Variants in ABCA13 observed in about 807,000 individuals in gnomAD.
The protein encoded by ABCA13 is ATP binding cassette subfamily A member 13.
ABCA13 carries 476 observed loss-of-function variants against 478.7 expected under a neutral mutation model. The observed-to-expected ratio is 0.99, with a 90% CI of 0.92 to 1.07. ABCA13 has a LOEUF of 1.07. Ranked by LOEUF, ABCA13 falls within the 50% of genes least tolerant of loss-of-function variation. ABCA13 has a pLI of 0.00. For synonymous variants in ABCA13, 2,252 were observed against 2,158.9 expected (o/e 1.04, Z -1.20); for missense variants, 6,060 against 5,910.6 (o/e 1.03, Z -0.83).
At chr7:48,321,604 G>A (rs1228716194) in intron 27 of ABCA13, among the ~76,000 whole-genome samples, 1 of 152,222 alleles carries the variant, frequency 6.6e-6, no homozygotes, top group East Asian at 1.9e-4. Context: ...TGGAGTAGAA[G>A]GGAGCCAGAT....
intron 57 of ABCA13, among the ~76,000 whole-genome samples, chr7:48,590,540 T>G (rs1789626506): frequency 6.6e-6 from 1 of 152,192 alleles, no homozygotes; most frequent in African/African-American, 2.4e-5. Flanking sequence ...AGTAGTATTT[T>G]TAATTTGTAG....
intron 35 of ABCA13, among the ~76,000 whole-genome samples, chr7:48,384,000 C>T (rs1007731867): frequency 2.6e-5 from 4 of 152,204 alleles, no homozygotes; most frequent in African/African-American, 4.8e-5. Context: ...AGTAATGCTA[C>T]AGTGAATATA....
intron 23 of ABCA13, among the ~76,000 whole-genome samples, chr7:48,304,628 A>G (rs1049374465): frequency 2.0e-5 from 3 of 152,034 alleles, no homozygotes; most frequent in Non-Finnish European, 2.9e-5. Context: ...GATGGGGAGG[A>G]TGAGAGGGGG....
chr7:48,289,698 T>TAA (rs1454925889), intron 20 of ABCA13, among the ~76,000 whole-genome samples: 2 of 152,128 alleles, frequency 1.3e-5, no homozygotes, highest in African/African-American at 4.8e-5. Context: ...AAGGTTATAA[T>TAA]AATAAAATAG....
chr7:48,321,101 G>A (rs1352323076), intron 27 of ABCA13, among the ~76,000 whole-genome samples: 3 of 152,156 alleles, frequency 2.0e-5, no homozygotes, highest in African/African-American at 7.2e-5. Context: ...TCAAACCGGG[G>A]TGGGGTTGGA....
At chr7:48,458,143 T>C (rs767081046) in intron 43 of ABCA13, among the ~76,000 whole-genome samples, 2 of 152,250 alleles carry the variant, frequency 1.3e-5, no homozygotes, top group Admixed American at 1.3e-4. Flanking sequence ...TAAACTTGCC[T>C]CTTTCCACTC....
chr7:48,474,266 AT>A (rs1448908567), intron 45 of ABCA13, among the ~76,000 whole-genome samples: 2 of 152,152 alleles, frequency 1.3e-5, no homozygotes, highest in Non-Finnish European at 2.9e-5. Flanking sequence ...AGGTGCAGAA[AT>A]TTCTATACCC....
chr7:48,227,966 C>T (rs567905062), intron 6 of ABCA13, among the ~76,000 whole-genome samples: 1 of 152,332 alleles, frequency 6.6e-6, no homozygotes, highest in African/African-American at 2.4e-5. Context: ...ATTTGACCCC[C>T]ATGTTACCTG....
At chr7:48,388,743 T>A (rs1197132854) in intron 36 of ABCA13, among the ~76,000 whole-genome samples, 8 of 152,264 alleles carry the variant, frequency 5.3e-5, no homozygotes, top group Admixed American at 5.2e-4. Context: ...GTGTAACTAA[T>A]CTGCCTGTTG....
intron 31 of ABCA13, among the ~76,000 whole-genome samples, chr7:48,367,539 G>C (rs1811868094): frequency 6.6e-6 from 1 of 152,214 alleles, no homozygotes; most frequent in African/African-American, 2.4e-5. Context: ...AGGTGTCAGA[G>C]AGTATTGTGG....
At chr7:48,574,886 T>C (rs1788019914) in intron 55 of ABCA13, among the ~76,000 whole-genome samples, 1 of 152,190 alleles carries the variant, frequency 6.6e-6, no homozygotes, top group Non-Finnish European at 1.5e-5. Flanking sequence ...AGCTGTTCCA[T>C]TGTTTTATGG....
intron 3 of ABCA13, among the ~76,000 whole-genome samples, chr7:48,203,479 A>C (rs1029672444): frequency 5.3e-5 from 8 of 152,230 alleles, no homozygotes; most frequent in Non-Finnish European, 1.2e-4. Flanking sequence ...GTCACCTCTC[A>C]ATAAGTTTCC....
chr7:48,352,690 C>T (rs1809241952), intron 31 of ABCA13, among the ~76,000 whole-genome samples: 2 of 151,980 alleles, frequency 1.3e-5, no homozygotes, highest in African/African-American at 4.8e-5. Flanking sequence ...TGAGATAATA[C>T]AATCAAGTGA....
intron 48 of ABCA13, among the ~76,000 whole-genome samples, chr7:48,497,784 T>G (rs1402927577): frequency 6.6e-6 from 1 of 152,188 alleles, no homozygotes; most frequent in East Asian, 1.9e-4. Flanking sequence ...TGCTCCCCAT[T>G]GGGCCCTGAT....
intron 1 of ABCA13, among the ~76,000 whole-genome samples, chr7:48,192,259 C>G (rs1230368897): frequency 6.6e-6 from 1 of 150,514 alleles, no homozygotes; most frequent in East Asian, 2.0e-4. Flanking sequence ...AGTTAATTTT[C>G]TTTTAACTTT....
At chr7:48,411,271 C>T in intron 40 of ABCA13, among the ~76,000 whole-genome samples, 1 of 80,996 alleles carries the variant, frequency 1.2e-5, no homozygotes, top group Admixed American at 1.4e-4. Flanking sequence ...TTCCTTTCCT[C>T]CCTCCCTCCT....
intron 59 of ABCA13, among the ~76,000 whole-genome samples, chr7:48,639,602 GATATGTGTAGGGA>G (rs1338476160): frequency 3.3e-5 from 5 of 152,340 alleles, no homozygotes; most frequent in Admixed American, 3.3e-4. Flanking sequence ...TTCCTACTCA[GATATGTGTAGGGA>G]ATAGCACATG....
At chr7:48,434,115 A>G (rs1822510494) in intron 42 of ABCA13, among the ~76,000 whole-genome samples, 1 of 151,908 alleles carries the variant, frequency 6.6e-6, no homozygotes, top group African/African-American at 2.4e-5. Context: ...TGGTTGCACC[A>G]TTTTACATTC....
intron 31 of ABCA13, among the ~76,000 whole-genome samples, chr7:48,364,151 A>G (rs1388420217): frequency 6.6e-6 from 1 of 152,160 alleles, no homozygotes; most frequent in East Asian, 1.9e-4. Context: ...TCAAAAGCTT[A>G]CTTTTCCATT....
Sources: allele counts gnomAD v4.1 joint callset (sites outside exome capture counted in the v4.1 genomes callset), GRCh38; gene constraint gnomAD v4.1.1; transcripts MANE v1.5; gene names NCBI Gene and HGNC (gene_info 2026-07-23, HGNC 2026-07-21).